The following AKR1C8 variants were observed in gnomAD, a reference collection of about 807,000 sequenced individuals.
AKR1C8 encodes the protein aldo-keto reductase family 1 member C8.
At chr10:5,158,758 C>A in the AKR1C8 span, 1 of 466,994 alleles carries the variant, frequency 2.1e-6, no homozygotes, top group Non-Finnish European at 4.4e-6. Flanking sequence ...AGCCAATAAC[C>A]ACATGCAAAT....
the AKR1C8 span, among the ~76,000 whole-genome samples, chr10:5,135,508 A>AATCT: frequency 7.2e-3 from 1,088 of 151,656 alleles, 4 homozygotes; most frequent in Non-Finnish European, 0.012. Context: ...TTCCATCTGG[A>AATCT]ATCTATCTAT....
At chr10:5,166,688 G>A in the AKR1C8 span, among the ~76,000 whole-genome samples, 1 of 152,148 alleles carries the variant, frequency 6.6e-6, no homozygotes, top group Non-Finnish European at 1.5e-5. Flanking sequence ...AAAAACCCTA[G>A]AAGAAAACCT....
At chr10:5,147,770 C>T in the AKR1C8 span, among the ~76,000 whole-genome samples, 2 of 152,268 alleles carry the variant, frequency 1.3e-5, no homozygotes, top group South Asian at 4.1e-4. Flanking sequence ...GAGTTCTATG[C>T]CTGTGAGACT....
At chr10:5,139,356 A>C in the AKR1C8 span, among the ~76,000 whole-genome samples, 1 of 152,174 alleles carries the variant, frequency 6.6e-6, no homozygotes, top group Non-Finnish European at 1.5e-5. Context: ...AATCCTAAGC[A>C]AAAAGAACAA....
chr10:5,132,902 C>T, the AKR1C8 span: 1 of 332,200 alleles, frequency 3.0e-6, no homozygotes, highest in Non-Finnish European at 5.5e-6. Flanking sequence ...GTGATAAATC[C>T]ATCCCAATTT....
At chr10:5,175,018 G>A in the AKR1C8 span, among the ~76,000 whole-genome samples, 1 of 151,890 alleles carries the variant, frequency 6.6e-6, no homozygotes, top group African/African-American at 2.4e-5. Flanking sequence ...TGCACAATGT[G>A]CAGGTTTGTT....
At chr10:5,179,003 G>C in the AKR1C8 span, among the ~76,000 whole-genome samples, 1 of 152,104 alleles carries the variant, frequency 6.6e-6, no homozygotes, top group Non-Finnish European at 1.5e-5. Context: ...TATTATGTTT[G>C]AATTTGATCC....
At chr10:5,123,863 A>G in the AKR1C8 span, 1 of 1,559,856 alleles carries the variant, frequency 6.4e-7, no homozygotes. Context: ...AATATGAAAC[A>G]GTTATGTTAA....
chr10:5,120,615 C>G, the AKR1C8 span, among the ~76,000 whole-genome samples: 1 of 151,988 alleles, frequency 6.6e-6, no homozygotes, highest in Non-Finnish European at 1.5e-5. Context: ...TAAGACAAGT[C>G]TAAACACTCT....
the AKR1C8 span, among the ~76,000 whole-genome samples, chr10:5,168,110 G>A: frequency 6.6e-6 from 1 of 152,008 alleles, no homozygotes; most frequent in African/African-American, 2.4e-5. Context: ...TGAGAAAAGT[G>A]TTAATTTTAA....
chr10:5,144,895 T>C, the AKR1C8 span, among the ~76,000 whole-genome samples: 1 of 151,960 alleles, frequency 6.6e-6, no homozygotes, highest in Non-Finnish European at 1.5e-5. Context: ...TGGCCAGAAC[T>C]TCCAACACTA....
chr10:5,116,614 C>T, the AKR1C8 span, among the ~76,000 whole-genome samples: 3 of 152,208 alleles, frequency 2.0e-5, no homozygotes, highest in Non-Finnish European at 2.9e-5. Context: ...GACCACCCAG[C>T]CAAAATATTG....
the AKR1C8 span, among the ~76,000 whole-genome samples, chr10:5,143,338 C>T: frequency 7.2e-4 from 109 of 152,214 alleles, no homozygotes; most frequent in Middle Eastern, 3.4e-3. Flanking sequence ...TACCCCTGGA[C>T]GTCAGAAACA....
the AKR1C8 span, chr10:5,155,349 CT>C: frequency 4.1e-3 from 620 of 152,674 alleles, 5 homozygotes; most frequent in African/African-American, 0.014. Context: ...TGATGGGCCC[CT>C]ATAGGTTTGT....
the AKR1C8 span, among the ~76,000 whole-genome samples, chr10:5,121,040 T>C: frequency 6.8e-6 from 1 of 146,596 alleles, no homozygotes; most frequent in Non-Finnish European, 1.5e-5. Flanking sequence ...ACAATCCAGG[T>C]TTTTTTTTAA....
the AKR1C8 span, among the ~76,000 whole-genome samples, chr10:5,124,547 G>A: frequency 6.6e-6 from 1 of 151,926 alleles, no homozygotes; most frequent in East Asian, 1.9e-4. Context: ...TTACTTTAAA[G>A]CCCCAAGGAA....
At chr10:5,126,699 A>T in the AKR1C8 span, among the ~76,000 whole-genome samples, 1 of 152,132 alleles carries the variant, frequency 6.6e-6, no homozygotes, top group East Asian at 1.9e-4. Context: ...CAGGAGAATA[A>T]GATAAGCTTC....
the AKR1C8 span, among the ~76,000 whole-genome samples, chr10:5,178,805 C>CT: frequency 0.018 from 2,669 of 151,336 alleles, 77 homozygotes; most frequent in African/African-American, 0.061. Context: ...CAACCCCTGC[C>CT]TTTTTTTTTG....
the AKR1C8 span, among the ~76,000 whole-genome samples, chr10:5,172,356 G>C: frequency 2.0e-5 from 3 of 151,896 alleles, no homozygotes; most frequent in East Asian, 5.8e-4. Context: ...TACCACATAA[G>C]GTTTTTTAAA....
Sources: allele counts gnomAD v4.1 joint callset (sites outside exome capture counted in the v4.1 genomes callset), GRCh38; gene constraint gnomAD v4.1.1; transcripts MANE v1.5; gene names NCBI Gene and HGNC (gene_info 2026-07-23, HGNC 2026-07-21).